ROBO1: variants seen among roughly 807,000 people sequenced by gnomAD.
The protein encoded by ROBO1 is roundabout guidance receptor 1, also known as roundabout homolog 1.
ROBO1 carries 149 observed loss-of-function variants against 195.9 expected under a neutral mutation model. The ratio of observed to expected loss-of-function variants is 0.76; its 90% CI spans 0.67 to 0.87. The LOEUF (loss-of-function observed/expected upper bound fraction) is 0.87. Among genes scored for constraint, ROBO1 ranks in the 40% least tolerant of loss-of-function variants. The pLI is 0.00. For missense variants in ROBO1, 1,933 were observed against 2,068.3 expected (o/e 0.93, Z 1.27); for synonymous variants, 816 against 733.2 (o/e 1.11, Z -1.82).
At chr3:79,569,646 T>C (rs569286436) in intron 2 of ROBO1, among the ~76,000 whole-genome samples, 2 of 51,598 alleles carry the variant, frequency 3.9e-5, no homozygotes, top group Admixed American at 2.8e-4. Context: ...TGTATAGATA[T>C]GTGTGTGTGT....
chr3:79,269,806 TC>T (rs2030354298), intron 2 of ROBO1, among the ~76,000 whole-genome samples: 1 of 151,690 alleles, frequency 6.6e-6, no homozygotes, highest in African/African-American at 2.4e-5. Flanking sequence ...TTAAAACAAC[TC>T]CCATCAACAT....
chr3:78,819,015 T>C (rs931318657), intron 4 of ROBO1, among the ~76,000 whole-genome samples: 1 of 152,190 alleles, frequency 6.6e-6, no homozygotes, highest in African/African-American at 2.4e-5. Flanking sequence ...GGAAAAAACA[T>C]AGTGTACAAA....
At chr3:79,560,556 T>TATATATATATATATATATATAC (rs944214132) in intron 2 of ROBO1, among the ~76,000 whole-genome samples, 1 of 119,852 alleles carries the variant, frequency 8.3e-6, no homozygotes, top group African/African-American at 3.1e-5. Flanking sequence ...TATATATATA[T>TATATATATATATATATATATAC]ATACACATAC....
At chr3:78,708,468 T>A (rs1294082537) in intron 8 of ROBO1, among the ~76,000 whole-genome samples, 1 of 152,116 alleles carries the variant, frequency 6.6e-6, no homozygotes, top group Admixed American at 6.5e-5. Context: ...GAAAAAAGCA[T>A]TTGCTTTTCT....
At chr3:78,872,321 G>A (rs1039538824) in intron 4 of ROBO1, among the ~76,000 whole-genome samples, 4 of 152,182 alleles carry the variant, frequency 2.6e-5, no homozygotes, top group African/African-American at 9.7e-5. Flanking sequence ...AACTGCCTGC[G>A]TGCTTTGATA....
chr3:79,477,338 C>T (rs1014912425), intron 2 of ROBO1, among the ~76,000 whole-genome samples: 1 of 152,120 alleles, frequency 6.6e-6, no homozygotes, highest in East Asian at 1.9e-4. Flanking sequence ...CTAAACATCT[C>T]ATCTCAACCG....
At chr3:79,688,480 T>C (rs1171148987) in intron 1 of ROBO1, among the ~76,000 whole-genome samples, 2 of 152,054 alleles carry the variant, frequency 1.3e-5, no homozygotes, top group Non-Finnish European at 2.9e-5. Flanking sequence ...AATTATTACT[T>C]TGACTATTTT....
At chr3:78,868,741 A>C (rs2035340432) in intron 4 of ROBO1, among the ~76,000 whole-genome samples, 1 of 152,188 alleles carries the variant, frequency 6.6e-6, no homozygotes, top group African/African-American at 2.4e-5. Context: ...AGGGGAAAAA[A>C]ACACACTTGG....
intron 1 of ROBO1, among the ~76,000 whole-genome samples, chr3:79,610,231 T>C (rs1944615131): frequency 6.6e-6 from 1 of 151,880 alleles, no homozygotes; most frequent in Non-Finnish European, 1.5e-5. Context: ...ACCTTAAATA[T>C]GCTGTTTTTT....
At chr3:79,075,630 T>G (rs77275686) in intron 3 of ROBO1, among the ~76,000 whole-genome samples, 1 of 151,784 alleles carries the variant, frequency 6.6e-6, no homozygotes, top group African/African-American at 2.4e-5. Flanking sequence ...GGCGGTGTGC[T>G]AGAAGAAATA....
chr3:79,208,521 G>C (rs2081911981), intron 2 of ROBO1, among the ~76,000 whole-genome samples: 3 of 152,136 alleles, frequency 2.0e-5, no homozygotes, highest in Admixed American at 2.0e-4. Context: ...AGTATAAGAA[G>C]GATTTCCACA....
At chr3:79,029,358 G>A (rs1157154677) in intron 3 of ROBO1, among the ~76,000 whole-genome samples, 12 of 151,948 alleles carry the variant, frequency 7.9e-5, no homozygotes, top group South Asian at 2.1e-4. Context: ...TATTTTTTGA[G>A]ATTAGTAATT....
chr3:78,870,251 T>C (rs979839540), intron 4 of ROBO1, among the ~76,000 whole-genome samples: 6 of 152,190 alleles, frequency 3.9e-5, no homozygotes, highest in Non-Finnish European at 8.8e-5. Context: ...CCCGTCCATT[T>C]GCCTAAAAGT....
At chr3:78,892,283 C>T (rs1242853135) in intron 4 of ROBO1, among the ~76,000 whole-genome samples, 1 of 152,152 alleles carries the variant, frequency 6.6e-6, no homozygotes, top group Non-Finnish European at 1.5e-5. Flanking sequence ...GTTGCATCCT[C>T]CTTGTGAGAA....
chr3:79,612,151 G>A (rs1246102275), intron 1 of ROBO1, among the ~76,000 whole-genome samples: 1 of 150,030 alleles, frequency 6.7e-6, no homozygotes, highest in Non-Finnish European at 1.5e-5. Context: ...CTAGCATTAG[G>A]TATATCTCCC....
chr3:79,230,073 C>T (rs1398872614), intron 2 of ROBO1, among the ~76,000 whole-genome samples: 1 of 151,952 alleles, frequency 6.6e-6, no homozygotes, highest in Non-Finnish European at 1.5e-5. Context: ...AGAAAGAATC[C>T]TCAAATTTAG....
rs910286484 is a variant in ROBO1 at position 79,079,543 on chromosome 3, G to C, written c.172+45913C>G. 2.0e-5 allele frequency among the ~76,000 whole-genome samples: 3 copies of C among 151,842 alleles called. No homozygotes were observed. The East Asian group carries it at 5.8e-4, about 29-fold the overall frequency. ...TACTGGTTCTGCTTTGTCTACAGTA[G>C]GGCAAATGGAGAACAAAATTCATCA... On this transcript the variant is annotated intron_variant, in intron 3 of 30. Transcript: ENST00000464233.
chr3:78,886,566 C>T (rs1344128244), intron 4 of ROBO1, among the ~76,000 whole-genome samples: 2 of 151,918 alleles, frequency 1.3e-5, no homozygotes, highest in Non-Finnish European at 2.9e-5. Flanking sequence ...TGCACTCCAG[C>T]CTGGGTGACA....
intron 1 of ROBO1, among the ~76,000 whole-genome samples, chr3:79,656,520 A>C (rs1037939289): frequency 2.0e-5 from 3 of 152,064 alleles, no homozygotes; most frequent in African/African-American, 4.8e-5. Flanking sequence ...ATTTTTGTCT[A>C]TCAATTATCT....
Sources: gnomAD v4.1 joint callset for allele counts (sites outside exome capture counted in the v4.1 genomes callset) on GRCh38, gnomAD v4.1.1 for gene constraint, MANE v1.5 for transcripts, NCBI Gene and HGNC (gene_info 2026-07-23, HGNC 2026-07-21) for gene names.